SLC26A7: variants seen among roughly 807,000 people sequenced by gnomAD.
The protein encoded by SLC26A7 is solute carrier family 26 member 7, also known as anion exchange transporter.
SLC26A7 carries 59 observed loss-of-function variants against 82.5 expected under a neutral mutation model. That is an observed-to-expected ratio of 0.72 (90% CI 0.58 to 0.89). SLC26A7 has a LOEUF of 0.89. Ranked by LOEUF, SLC26A7 falls within the 40% of genes least tolerant of loss-of-function variation. The pLI is 0.00. For synonymous variants in SLC26A7, 271 were observed against 274.3 expected (o/e 0.99, Z 0.12); for missense variants, 820 against 793.0 (o/e 1.03, Z -0.41).
chr8:91,210,852 T>A (rs1193669673), intron 1 of SLC26A7, among the ~76,000 whole-genome samples: 1 of 151,690 alleles, frequency 6.6e-6, no homozygotes, highest in Non-Finnish European at 1.5e-5. Flanking sequence ...CAGAAAATGT[T>A]CAAATATTGA....
At chr8:91,369,906 C>T in intron 15 of SLC26A7, 73 bp downstream of exon 15, 1 of 1,185,892 alleles carries the variant, frequency 8.4e-7, no homozygotes, top group Non-Finnish European at 1.2e-6. Context: ...AAATCTTCTT[C>T]CCCTTCTCCT....
chr8:91,275,132 A>G (rs1441146020), intron 2 of SLC26A7, among the ~76,000 whole-genome samples: 1 of 152,168 alleles, frequency 6.6e-6, no homozygotes, highest in Non-Finnish European at 1.5e-5. Flanking sequence ...AACAAATCCA[A>G]AACGGCATAG....
At chr8:91,376,186 T>C (rs1340919299) in intron 15 of SLC26A7, among the ~76,000 whole-genome samples, 1 of 152,194 alleles carries the variant, frequency 6.6e-6, no homozygotes, top group Non-Finnish European at 1.5e-5. Context: ...CTGAGTTTCT[T>C]TGGAATCCAC....
chr8:91,365,451 G>A (rs1171821062), intron 13 of SLC26A7, among the ~76,000 whole-genome samples: 1 of 152,210 alleles, frequency 6.6e-6, no homozygotes, highest in East Asian at 1.9e-4. Flanking sequence ...TGATTAGAGG[G>A]TCAGGCTAAG....
At chr8:91,249,874 T>C (rs1425148784) in intron 2 of SLC26A7, 30 bp downstream of exon 2, 22 of 1,499,310 alleles carry the variant, frequency 1.5e-5, no homozygotes, top group Non-Finnish European at 2.0e-5. Context: ...TTTCCTGTAT[T>C]ATGCAGAGTA....
rs527662608 is a variant in SLC26A7, at chr8:91,341,273, T to C, written c.1026+722T>C. On this transcript the variant is annotated intron_variant, in intron 8 of 18. Coordinates refer to ENST00000276609, the MANE Select transcript of SLC26A7 (RefSeq NM_052832.4). ...TGTTCTTGCGATAGTTTACTGAGAATGATGATTTCCAATTTCATCCATGTC... is the reference window on the plus strand; with the variant it reads ...TGTTCTTGCGATAGTTTACTGAGAACGATGATTTCCAATTTCATCCATGTC... Among the ~76,000 whole-genome samples, 117 of 152,264 alleles carry C rather than the reference T, an allele frequency of 7.7e-4. 2 individuals carry two copies. In the South Asian group the frequency reaches 0.024, roughly 31 times the overall value.
intron 7 of SLC26A7, among the ~76,000 whole-genome samples, chr8:91,338,885 A>G (rs1813318759): frequency 6.6e-6 from 1 of 152,172 alleles, no homozygotes; most frequent in African/African-American, 2.4e-5. Context: ...GTACACTGAT[A>G]ATTGTAAATT....
chr8:91,257,419 C>T (rs1810834469), intron 2 of SLC26A7, among the ~76,000 whole-genome samples: 2 of 152,076 alleles, frequency 1.3e-5, no homozygotes, highest in Admixed American at 1.3e-4. Context: ...CCATCTCTAA[C>T]ATTTACCACC....
At chr8:91,215,355 A>G (rs1810025022) in intron 1 of SLC26A7, among the ~76,000 whole-genome samples, 1 of 152,186 alleles carries the variant, frequency 6.6e-6, no homozygotes, top group Non-Finnish European at 1.5e-5. Context: ...CCATATAAAT[A>G]TATATTGCAA....
At chr8:91,392,201 G>T in intron 16 of SLC26A7, among the ~76,000 whole-genome samples, 1 of 151,962 alleles carries the variant, frequency 6.6e-6, no homozygotes, top group South Asian at 2.1e-4. Flanking sequence ...GTATCAGTTT[G>T]CCCTTTTAAA....
At chr8:91,243,840 G>A (rs757110439) in intron 2 of SLC26A7, among the ~76,000 whole-genome samples, 2 of 152,058 alleles carry the variant, frequency 1.3e-5, no homozygotes, top group Non-Finnish European at 2.9e-5. Flanking sequence ...ATAAAGCACA[G>A]GTCATCACAT....
chr8:91,326,243 C>A (rs1009613121), intron 5 of SLC26A7, among the ~76,000 whole-genome samples: 1 of 152,222 alleles, frequency 6.6e-6, no homozygotes, highest in Admixed American at 6.5e-5. Context: ...GGAATCCCCT[C>A]TGCCCTCTCT....
intron 2 of SLC26A7, among the ~76,000 whole-genome samples, chr8:91,284,100 G>A (rs141654997): frequency 2.4e-3 from 369 of 152,262 alleles, no homozygotes; most frequent in African/African-American, 8.5e-3. Context: ...ATAGAAACTA[G>A]CCAAACTAAA....
chr8:91,259,281 C>G (rs148568565), intron 2 of SLC26A7, among the ~76,000 whole-genome samples: 1 of 152,014 alleles, frequency 6.6e-6, no homozygotes. Flanking sequence ...TTTATATGGA[C>G]ATGGACTTTC....
At chr8:91,232,369 T>G (rs1007961455) in intron 2 of SLC26A7, among the ~76,000 whole-genome samples, 1 of 146,418 alleles carries the variant, frequency 6.8e-6, no homozygotes, top group Non-Finnish European at 1.5e-5. Flanking sequence ...TGAAAAGATA[T>G]CAAGTATTTT....
chr8:91,360,682 G>C (rs999891747), intron 11 of SLC26A7, among the ~76,000 whole-genome samples: 19 of 152,188 alleles, frequency 1.2e-4, no homozygotes, highest in African/African-American at 4.3e-4. Flanking sequence ...CAGGCTCTAT[G>C]GTTTTTTAAG....
chr8:91,337,511 A>G (rs1813276114), intron 6 of SLC26A7, among the ~76,000 whole-genome samples: 1 of 152,166 alleles, frequency 6.6e-6, no homozygotes, highest in Admixed American at 6.6e-5. Context: ...GATTATGGGT[A>G]TAGGCAGGGA....
chr8:91,210,558 C>CAG (rs1809892220), intron 1 of SLC26A7, among the ~76,000 whole-genome samples: 1 of 100,854 alleles, frequency 9.9e-6, no homozygotes, highest in African/African-American at 3.9e-5. Context: ...CACACACACA[C>CAG]ACAGACACAC....
intron 4 of SLC26A7, among the ~76,000 whole-genome samples, chr8:91,296,461 T>G (rs1442292827): frequency 3.3e-4 from 50 of 152,104 alleles, no homozygotes; most frequent in Admixed American, 3.3e-3. Context: ...GAGGCTCTAT[T>G]TTACACCGTA....
Sources: gnomAD v4.1 joint callset for allele counts (sites outside exome capture counted in the v4.1 genomes callset) on GRCh38, gnomAD v4.1.1 for gene constraint, MANE v1.5 for transcripts, NCBI Gene and HGNC (gene_info 2026-07-23, HGNC 2026-07-21) for gene names.